Variants in IGF1R observed in about 807,000 individuals in gnomAD.
IGF1R encodes the protein insulin like growth factor 1 receptor, also known as insulin-like growth factor 1 receptor.
In IGF1R, 44 loss-of-function variants were observed where a neutral mutation model predicts 144.6. The ratio of observed to expected loss-of-function variants is 0.30; its 90% confidence interval spans 0.24 to 0.39. The LOEUF (loss-of-function observed/expected upper bound fraction) is 0.39, where lower values mean the gene tolerates loss of function less well. Among genes scored for constraint, IGF1R ranks in the 10% least tolerant of loss-of-function variants. The pLI is 1.00. For missense variants in IGF1R, 1,355 were observed against 1,833.7 expected (o/e 0.74, Z 4.77); for synonymous variants, 795 against 722.8 (o/e 1.10, Z -1.60).
chr15:98,736,023 G>C (rs1395553935), intron 2 of IGF1R, among the ~76,000 whole-genome samples: 1 of 152,202 alleles, frequency 6.6e-6, no homozygotes, highest in Non-Finnish European at 1.5e-5. Context: ...GTACAGTACT[G>C]CCCTGAGGGG....
intron 2 of IGF1R, among the ~76,000 whole-genome samples, chr15:98,762,549 G>A (rs2055331470): frequency 6.6e-6 from 1 of 152,226 alleles, no homozygotes; most frequent in Admixed American, 6.5e-5. Flanking sequence ...CCAACATGGT[G>A]AAACCCCGTC....
intron 1 of IGF1R, among the ~76,000 whole-genome samples, chr15:98,661,546 C>T (rs910718524): frequency 6.6e-6 from 1 of 152,206 alleles, no homozygotes; most frequent in African/African-American, 2.4e-5. Flanking sequence ...CATGTGAATG[C>T]TGAACCGGCT....
intron 17 of IGF1R, among the ~76,000 whole-genome samples, chr15:98,936,614 AT>A (rs11379462): frequency 0.012 from 1,771 of 142,302 alleles, 35 homozygotes; most frequent in Admixed American, 0.055. Flanking sequence ...TTTGGGCTTA[AT>A]TTTTTTTTTT....
intron 20 of IGF1R, among the ~76,000 whole-genome samples, chr15:98,952,324 AC>A: frequency 6.6e-6 from 1 of 151,680 alleles, no homozygotes; most frequent in Non-Finnish European, 1.5e-5. Context: ...ACACACACAC[AC>A]ACACACTGCC....
At chr15:98,903,768 G>A (rs1003837650) in intron 5 of IGF1R, among the ~76,000 whole-genome samples, 12 of 152,312 alleles carry the variant, frequency 7.9e-5, no homozygotes, top group Non-Finnish European at 1.3e-4. Flanking sequence ...AGTATGACAC[G>A]TGTTACAACA....
intron 1 of IGF1R, among the ~76,000 whole-genome samples, chr15:98,678,100 A>G (rs1596173788): frequency 1.3e-5 from 2 of 152,142 alleles, no homozygotes; most frequent in Admixed American, 1.3e-4. Context: ...TGGGTGTTGA[A>G]TGTCATCAGA....
intron 2 of IGF1R, among the ~76,000 whole-genome samples, chr15:98,806,401 C>T (rs757838327): frequency 6.6e-6 from 1 of 152,168 alleles, no homozygotes; most frequent in Non-Finnish European, 1.5e-5. Context: ...GGGCCAGCCC[C>T]CCAGCCTCCC....
intron 2 of IGF1R, among the ~76,000 whole-genome samples, chr15:98,742,817 G>C (rs1038714898): frequency 6.6e-6 from 1 of 152,076 alleles, no homozygotes; most frequent in African/African-American, 2.4e-5. Context: ...AGGCTGAGGC[G>C]GGTGGATCAC....
chr15:98,959,894 T>TTTTA lies in IGF1R; in HGVS notation c.*2452_*2453insTTTA. On this transcript the variant is annotated 3_prime_UTR_variant, in exon 21 of 21. Coordinates refer to ENST00000650285, the MANE Select transcript of IGF1R (RefSeq NM_000875.5). ...GGTATTATATGTAGGAGTTTTCTTT[T>TTTTA]AATTTATTTTGTGATAAATTACCAG... is the stretch of plus-strand genomic sequence containing the variant. The TTTTA allele has an allele frequency of 4.3e-6, 1 of 232,158 alleles. No individual in the cohort carries two copies. The allele number at this position is 232,158 out of a possible 1,614,324, so 14.4% of individuals were successfully genotyped here. A position where few individuals can be genotyped will look rare whatever the true frequency, so the allele number is the denominator to read the frequency against.
rs1364536360 is a variant in IGF1R at position 98,723,207 on chromosome 15, G to GA, written c.640+15101dup. On this transcript the variant is annotated intron_variant, in intron 2 of 20. Coordinates refer to ENST00000650285, the MANE Select transcript of IGF1R (RefSeq NM_000875.5). The stretch of plus-strand genomic sequence containing the variant: ...CACCCCAACTTTAAATCAGAAACGT[G>GA]AGGGTGCTGATTGAAGCTTTTTATA... 6.6e-5 allele frequency among the ~76,000 whole-genome samples: 10 copies of GA among 152,258 alleles called. No homozygotes were observed. The South Asian group carries it at 2.1e-3, about 32-fold the overall frequency.
intron 2 of IGF1R, among the ~76,000 whole-genome samples, chr15:98,797,849 C>G (rs183749517): frequency 6.6e-6 from 1 of 152,116 alleles, no homozygotes; most frequent in Non-Finnish European, 1.5e-5. Context: ...AAAATAATGT[C>G]AGACAGTGGT....
At position 98,787,806 on chromosome 15, in the gene IGF1R, G is replaced by A. The variant is rs1243543589; in HGVS notation, c.640+79699G>A. Among the ~76,000 whole-genome samples, 5 of 152,186 alleles carry A rather than the reference G, an allele frequency of 3.3e-5. No individual in the cohort carries two copies. In the East Asian group the frequency reaches 7.7e-4, roughly 23 times the overall value. On this transcript the variant is annotated intron_variant, in intron 2 of 20. Coordinates refer to ENST00000650285, the MANE Select transcript of IGF1R (RefSeq NM_000875.5). Reference sequence around the variant, plus strand: ...GAAAGAATTGGAACACTCAGCTGGAGGTGTCTGGTAGGGACATGTGTCTGC... The same window carrying A: ...GAAAGAATTGGAACACTCAGCTGGAAGTGTCTGGTAGGGACATGTGTCTGC...
chr15:98,902,122 G>A (rs924401383), intron 5 of IGF1R, among the ~76,000 whole-genome samples: 2 of 152,172 alleles, frequency 1.3e-5, no homozygotes, highest in South Asian at 2.1e-4. Flanking sequence ...ATCATTGGGG[G>A]TGGGGGCAGG....
chr15:98,820,345 A>G (rs974514136), intron 2 of IGF1R, among the ~76,000 whole-genome samples: 1 of 152,242 alleles, frequency 6.6e-6, no homozygotes, highest in Non-Finnish European at 1.5e-5. Flanking sequence ...TGAAAGAGTC[A>G]TATTTTTTAA....
chr15:98,947,859 G>A (rs931491864), intron 19 of IGF1R, among the ~76,000 whole-genome samples: 2 of 152,160 alleles, frequency 1.3e-5, no homozygotes, highest in African/African-American at 4.8e-5. Flanking sequence ...CAGCTCCCCA[G>A]CTCTGTTGTG....
intron 2 of IGF1R, among the ~76,000 whole-genome samples, chr15:98,841,261 A>G (rs2011169537): frequency 6.6e-6 from 1 of 152,214 alleles, no homozygotes; most frequent in Non-Finnish European, 1.5e-5. Context: ...GAGATGAGCT[A>G]CAAAAAAAAA....
At chr15:98,685,766 G>C (rs1324412813) in intron 1 of IGF1R, among the ~76,000 whole-genome samples, 1 of 152,178 alleles carries the variant, frequency 6.6e-6, no homozygotes, top group Non-Finnish European at 1.5e-5. Context: ...AGGCATCAGC[G>C]GCTCACCACT....
intron 3 of IGF1R, among the ~76,000 whole-genome samples, chr15:98,895,221 ACC>A (rs2014124017): frequency 1.0e-5 from 1 of 100,392 alleles, no homozygotes; most frequent in Admixed American, 1.1e-4. Flanking sequence ...GTGACACAGC[ACC>A]ACACACACAC....
chr15:98,913,237 C>G lies in IGF1R; in HGVS notation c.1783C>G (p.Arg595Gly). 1 of 1,614,150 alleles carries G rather than the reference C, an allele frequency of 6.2e-7. No homozygotes were observed. The highest frequency in any genetic ancestry group is 8.5e-7 in the Non-Finnish European group (1 of 1,180,012). Residue 595 changes from arginine (R) to glycine (G), a missense_variant, in exon 8 of 21, where the codon CGT becomes GGT. Physicochemically the swap from Arg to Gly is moderately radical, Grantham distance 125. Around this residue, in one of 7 missense-constraint regions of IGF1R, gnomAD observed 880 missense variants for 1,202.7 expected, o/e 0.73. Transcript: ENST00000650285. Reference protein sequence around the residue: ...TLTMVENDHIRGAKSEILYIR... With the variant: ...TLTMVENDHIGGAKSEILYIR... ...CACCATGGTGGAGAACGACCATATC[C>G]GTGGGGCCAAGAGTGAGATCTTGTA...
Sources: allele counts gnomAD v4.1 joint callset (sites outside exome capture counted in the v4.1 genomes callset), GRCh38; gene constraint gnomAD v4.1.1; regional missense constraint gnomAD v4.1.1; transcripts MANE v1.5; gene names NCBI Gene and HGNC (gene_info 2026-07-23, HGNC 2026-07-21).